Variants in COL27A1 observed in about 807,000 individuals in gnomAD.
COL27A1 encodes the protein collagen alpha-1(XXVII) chain.
Under a neutral mutation model 251.3 loss-of-function variants are expected in COL27A1, and 106 were observed. That is an observed-to-expected ratio of 0.42 (90% CI 0.36 to 0.50). The LOEUF (loss-of-function observed/expected upper bound fraction) is 0.50. Ranked by LOEUF, COL27A1 falls within the 20% of genes least tolerant of loss-of-function variation. The probability of loss-of-function intolerance (pLI) is 0.00; values close to 1 mark genes in which losing one functional copy is unlikely to be tolerated. For synonymous variants in COL27A1, 1,000 were observed against 986.3 expected (o/e 1.01, Z -0.26); for missense variants, 2,325 against 2,522.8 (o/e 0.92, Z 1.68).
At chr9:114,269,412 CTA>C in intron 35 of COL27A1, 118 bp downstream of exon 35, 1 of 629,366 alleles carries the variant, frequency 1.6e-6, no homozygotes. Context: ...CAGAAATAGA[CTA>C]TGAATGTCTA....
intron 12 of COL27A1, chr9:114,218,072 A>C (rs533396576): frequency 9.0e-6 from 3 of 333,096 alleles, no homozygotes; most frequent in East Asian, 1.7e-4. Flanking sequence ...ACACCACTGC[A>C]CTTCAGCCTG....
In COL27A1 at chr9:114,169,129, C is replaced by T; in HGVS notation, c.1574C>T (p.Thr525Ile). 6.2e-7 allele frequency: 1 copy of T among 1,614,192 alleles called. No individual in the cohort carries two copies. The highest frequency in any genetic ancestry group is 8.5e-7 in the Non-Finnish European group (1 of 1,180,030). The change falls in exon 3 of 61, where the codon ACT (threonine) becomes ATT (isoleucine). Residue 525 changes from threonine to isoleucine, a missense_variant. Around this residue, in one of 4 missense-constraint regions of COL27A1, gnomAD observed 1,183 missense variants for 1,144.1 expected, o/e 1.03. Transcript: ENST00000356083. The stretch of plus-strand genomic sequence containing the variant: ...CCCAGAACAGCACCTGCCGTCCCCA[C>T]TCCTGGCTCAGCTCCCACTGGAAGC... Reference protein sequence around the residue: ...STPRTAPAVPTPGSAPTGSKK... With the variant: ...STPRTAPAVPIPGSAPTGSKK...
chr9:114,164,377 C>A (rs371607911), intron 2 of COL27A1, among the ~76,000 whole-genome samples: 2 of 152,228 alleles, frequency 1.3e-5, no homozygotes, highest in South Asian at 4.1e-4. Flanking sequence ...CATAGCAGCT[C>A]TGTGCTGGTC....
chr9:114,294,247 CAAAAAAAA>C (rs58536000), intron 49 of COL27A1, among the ~76,000 whole-genome samples: 1 of 84,276 alleles, frequency 1.2e-5, no homozygotes, highest in South Asian at 4.2e-4. Flanking sequence ...GACTCTGTCT[CAAAAAAAA>C]AAAAAAAAAA....
intron 23 of COL27A1, among the ~76,000 whole-genome samples, chr9:114,244,302 A>G (rs1333153783): frequency 1.3e-5 from 2 of 152,158 alleles, no homozygotes; most frequent in Admixed American, 6.5e-5. Flanking sequence ...TGGTGGGACA[A>G]TAGGAGATTT....
At chr9:114,302,928 G>T (rs1320968494) in intron 56 of COL27A1, among the ~76,000 whole-genome samples, 1 of 152,050 alleles carries the variant, frequency 6.6e-6, no homozygotes, top group Non-Finnish European at 1.5e-5. Context: ...ACAGCCTCGA[G>T]GAAAGACTGA....
intron 28 of COL27A1, among the ~76,000 whole-genome samples, chr9:114,263,025 G>T (rs1057403855): frequency 4.3e-5 from 6 of 140,506 alleles, no homozygotes; most frequent in Non-Finnish European, 9.0e-5. Flanking sequence ...TGCAAGCTCC[G>T]CCTCCTGGGT....
chr9:114,287,930 G>A (rs1022611708), intron 41 of COL27A1, among the ~76,000 whole-genome samples: 6 of 152,074 alleles, frequency 3.9e-5, no homozygotes, highest in Non-Finnish European at 7.4e-5. Context: ...CACTGCGGAT[G>A]TCATGAGTCT....
Position 114,312,313 on chromosome 9 carries a change from T to G in COL27A1, c.*1618T>G, listed in dbSNP as rs1829498772. 1 of 152,212 alleles carries G rather than the reference T, an allele frequency of 6.6e-6. No homozygotes were observed. The highest frequency in any genetic ancestry group is 1.5e-5 in the Non-Finnish European group (1 of 68,050). 9.4% of individuals were successfully genotyped at this position (152,212 alleles called of 1,614,324 possible). A position where few individuals can be genotyped will look rare whatever the true frequency, so the allele number is the denominator to read the frequency against. ...GACGCTCTGCGTGGAAGTGCGTGTTTGTAGCAGCTCGGGCCTCATCTCAGC... is the reference window on the plus strand; with the variant it reads ...GACGCTCTGCGTGGAAGTGCGTGTTGGTAGCAGCTCGGGCCTCATCTCAGC... On this transcript the variant is annotated 3_prime_UTR_variant, in exon 61 of 61. Coordinates refer to ENST00000356083, the MANE Select transcript of COL27A1 (RefSeq NM_032888.4).
In COL27A1 at chr9:114,195,904, CAG is replaced by C. The variant is rs1343603061; in HGVS notation, c.2071-52_2071-51del. 7.1e-6 allele frequency: 9 copies of C among 1,272,580 alleles called. No homozygotes were observed. The Admixed American group carries it at 1.0e-4, about 14-fold the overall frequency. The allele number at this position is 1,272,580 out of a possible 1,614,324, so 78.8% of individuals were successfully genotyped here. On this transcript the variant is annotated intron_variant, in intron 6 of 60. Transcript: ENST00000356083. ...TACCATTCCAATTTGTAGAGTGTAG[CAG>C]AGTGTCTCTGCTCCCGTTTTCCTGC... is the stretch of plus-strand genomic sequence containing the variant.
upstream of COL27A1, among the ~76,000 whole-genome samples, chr9:114,154,455 GT>G (rs139258659): frequency 0.18 from 27,747 of 152,008 alleles, 2,840 homozygotes; most frequent in East Asian, 0.43. The surrounding 1 kb of genome is among the most constrained non-coding windows in gnomAD (Gnocchi z 5.8). Context: ...GTATGGGGAG[GT>G]GGGTACACGC....
Position 114,168,056 on chromosome 9 carries a change from A to T in COL27A1, c.501A>T (p.Thr167=). ...TGGCCCTCGAGCTCCGAGGCCGCAC[A>T]GTCACTCTGGTGACTGCCTGCGGGC... is the stretch of plus-strand genomic sequence containing the variant. ...HHLALELRGR[T]VTLVTACGQR... Residue 167 remains threonine, a synonymous_variant, in exon 3 of 61, where the codon ACA becomes ACT. Coordinates refer to ENST00000356083, the MANE Select transcript of COL27A1 (RefSeq NM_032888.4). 2 of 1,608,492 alleles carry T rather than the reference A, an allele frequency of 1.2e-6. No individual in the cohort carries two copies. Among genetic ancestry groups the T allele is most frequent in the Non-Finnish European group, 1.7e-6 (2 of 1,179,824 alleles).
chr9:114,216,814 G>C (rs1294346551), intron 12 of COL27A1, among the ~76,000 whole-genome samples: 1 of 152,042 alleles, frequency 6.6e-6, no homozygotes, highest in Non-Finnish European at 1.5e-5. Flanking sequence ...GGCCCTCAGC[G>C]TGTCCAAGCA....
intron 57 of COL27A1, among the ~76,000 whole-genome samples, chr9:114,305,759 T>C (rs1170020512): frequency 6.6e-6 from 1 of 152,150 alleles, no homozygotes; most frequent in Non-Finnish European, 1.5e-5. Context: ...TCCATCCCGT[T>C]GGCTAGAGCA....
rs1249737 is a variant in COL27A1, at chr9:114,290,993, T to G, written c.4476+76T>G. Reference sequence around the variant, plus strand: ...TGCAGACTCTAGTGGTTCCGACCCTTTGGGCACCCATGTCCCAGGGCCTGT... The same window carrying G: ...TGCAGACTCTAGTGGTTCCGACCCTGTGGGCACCCATGTCCCAGGGCCTGT... On this transcript the variant is annotated intron_variant, in intron 48 of 60. Transcript: ENST00000356083. The surrounding 1 kb of genome is among the most constrained non-coding windows in gnomAD (Gnocchi z 4.6). 389,798 of 1,094,012 alleles carry G rather than the reference T, an allele frequency of 0.36. 74,412 individuals carry two copies. The highest frequency in any genetic ancestry group is 0.6 in the East Asian group (22,172 of 37,254). 67.8% of individuals were successfully genotyped at this position (1,094,012 alleles called of 1,614,324 possible). A position where few individuals can be genotyped will look rare whatever the true frequency, so the allele number is the denominator to read the frequency against.
chr9:114,162,199 T>C (rs897211375), intron 1 of COL27A1, among the ~76,000 whole-genome samples: 4 of 152,200 alleles, frequency 2.6e-5, no homozygotes, highest in African/African-American at 9.6e-5. Context: ...TCCTGCCCTG[T>C]GTGGGAATTG....
At chr9:114,230,213 G>A (rs1202452915) in intron 14 of COL27A1, among the ~76,000 whole-genome samples, 1 of 152,126 alleles carries the variant, frequency 6.6e-6, no homozygotes, top group African/African-American at 2.4e-5. Flanking sequence ...TCACATTCCT[G>A]CCTGGCTCCT....
In COL27A1 at chr9:114,265,092, G is replaced by T. The variant is rs970484314; in HGVS notation, c.3321G>T (p.Leu1107Phe). 126 of 1,611,946 alleles carry T rather than the reference G, an allele frequency of 7.8e-5. No individual in the cohort carries two copies. The highest frequency in any genetic ancestry group is 1.0e-4 in the Non-Finnish European group (122 of 1,179,286). The change falls in exon 31 of 61, where the codon TTG (leucine) becomes TTT (phenylalanine). Residue 1107 changes from leucine to phenylalanine, a missense_variant. By Grantham distance (22) the Leu-to-Phe change is conservative. Transcript: ENST00000356083. The stretch of plus-strand genomic sequence containing the variant: ...GTGTGGCTGGTGAGCGAGGCCACTT[G>T]GGCTCGAGAGGCTTTCCTGTAAGTA... ...QQGVAGERGHLGSRGFPGIPG... is the reference protein window; with the variant it reads ...QQGVAGERGHFGSRGFPGIPG...
chr9:114,200,528 A>T (rs1446612086), intron 7 of COL27A1, among the ~76,000 whole-genome samples: 2 of 152,246 alleles, frequency 1.3e-5, no homozygotes, highest in Non-Finnish European at 2.9e-5. Flanking sequence ...TGAATGAGCC[A>T]TGCAGAAAAT....
Sources: allele counts gnomAD v4.1 joint callset (sites outside exome capture counted in the v4.1 genomes callset), GRCh38; gene constraint gnomAD v4.1.1; regional missense constraint gnomAD v4.1.1; non-coding constraint Gnocchi (gnomAD v3.1); transcripts MANE v1.5; gene names NCBI Gene and HGNC (gene_info 2026-07-23, HGNC 2026-07-21).